Variants in WRNIP1 observed in about 807,000 individuals in gnomAD.
The protein encoded by WRNIP1 is ATPase WRNIP1.
A neutral mutation model predicts 56.1 loss-of-function variants in WRNIP1; 41 were observed. The ratio of observed to expected loss-of-function variants is 0.73; its 90% CI spans 0.57 to 0.95. The LOEUF (loss-of-function observed/expected upper bound fraction) is 0.95. Ranked by LOEUF, WRNIP1 falls within the 40% of genes least tolerant of loss-of-function variation. WRNIP1 has a pLI of 0.00. For synonymous variants in WRNIP1, 547 were observed against 398.1 expected, an observed-to-expected ratio of 1.37 and a Z score of -4.45; for missense variants, 1,170 against 939.4, an observed-to-expected ratio of 1.25 and a Z score of -3.21.
At chr6:2,770,003 T>C in intron 2 of WRNIP1, 117 bp from the exon 3 acceptor site, 1 of 1,437,880 alleles carries the variant, frequency 7.0e-7, no homozygotes, top group South Asian at 1.3e-5. Flanking sequence ...CTGCTGCTAT[T>C]CCTGAACTCG....
At chr6:2,768,268 G>T (rs1048778119) in intron 1 of WRNIP1, among the ~76,000 whole-genome samples, 2 of 152,152 alleles carry the variant, frequency 1.3e-5, no homozygotes, top group African/African-American at 4.8e-5. Flanking sequence ...AGTTCGGGCT[G>T]TGGTTCTGCG....
intron 3 of WRNIP1, chr6:2,773,431 T>C (rs1765358191): frequency 2.0e-6 from 2 of 985,096 alleles, no homozygotes; most frequent in Admixed American, 6.2e-5. Context: ...GGATGCGGAG[T>C]TGAGTTTTGA....
rs373681399 is a variant in WRNIP1, at chr6:2,783,571, A to G, written c.1642+10A>G. On this transcript the variant is annotated intron_variant, in intron 5 of 6. Coordinates refer to ENST00000380773, the MANE Select transcript of WRNIP1 (RefSeq NM_020135.3). ...GCCAGCGAGGACATAGGTGAGTGTG[A>G]TGGGAGGGTCCCGGAGTCCTATGTC... 3.6e-6 allele frequency: 5 copies of G among 1,376,658 alleles called. No homozygotes were observed. The African/African-American group carries it at 8.1e-5, about 22-fold the overall frequency. The allele number at this position is 1,376,658 out of a possible 1,614,324, so 85.3% of individuals were successfully genotyped here. A position where few individuals can be genotyped will look rare whatever the true frequency, so the allele number is the denominator to read the frequency against.
chr6:2,768,781 G>T lies in WRNIP1; in HGVS notation c.913G>T (p.Val305Leu). The T allele has an allele frequency of 6.2e-7, 1 of 1,613,956 alleles. No individual in the cohort carries two copies. Among genetic ancestry groups the T allele is most frequent in the Non-Finnish European group, 8.5e-7 (1 of 1,179,922 alleles). ...TGCAACAAATGCCAAGACAAATGAT[G>T]TGCGAGATGTCATAAAACAAGCTCA... ...LSATNAKTND[V>L]RDVIKQAQNE... The change falls in exon 2 of 7, where the codon GTG (valine) becomes TTG (leucine). Residue 305 changes from valine (V) to leucine (L), a missense_variant. Physicochemically the swap from Val to Leu is conservative, Grantham distance 32 (BLOSUM62 1). Transcript: ENST00000380773.
Position 2,786,000 on chromosome 6 carries a change from CTTCTTGCAGCTCCATAT to C in WRNIP1, c.*723_*739del, listed in dbSNP as rs869212078. 8.5e-5 allele frequency: 13 copies of C among 152,374 alleles called. No individual in the cohort carries two copies. Among genetic ancestry groups the C allele is most frequent in the African/African-American group, 2.9e-4 (12 of 41,588 alleles). 9.4% of individuals were successfully genotyped at this position (152,374 alleles called of 1,614,324 possible). A position where few individuals can be genotyped will look rare whatever the true frequency, so the allele number is the denominator to read the frequency against. ...CATTTTTTCCCACTTGTCCTGGTTTCTTCTTGCAGCTCCATATTTCTAAACAGTCGTTTTTCTTTTAC... is the reference window on the plus strand; with the variant it reads ...CATTTTTTCCCACTTGTCCTGGTTTCTTCTAAACAGTCGTTTTTCTTTTAC... On this transcript the variant is annotated 3_prime_UTR_variant, in exon 7 of 7. Transcript: ENST00000380773.
chr6:2,772,409 A>G (rs1765320283), intron 3 of WRNIP1, among the ~76,000 whole-genome samples: 1 of 152,226 alleles, frequency 6.6e-6, no homozygotes, highest in Admixed American at 6.5e-5. Flanking sequence ...CTGTGAGGAC[A>G]GGAGCTTGTC....
In WRNIP1 at chr6:2,766,499, C is replaced by T. The variant is rs373005688; in HGVS notation, c.822+55C>T. Reference sequence around the variant, plus strand: ...GTAGTTATCTCGGCGGTGGATGCAGCTGATGGTCGGAGAGCCGGGTGTGCT... The same window carrying T: ...GTAGTTATCTCGGCGGTGGATGCAGTTGATGGTCGGAGAGCCGGGTGTGCT... On this transcript the variant is annotated intron_variant, in intron 1 of 6. Coordinates refer to ENST00000380773, the MANE Select transcript of WRNIP1 (RefSeq NM_020135.3). 1.9e-4 allele frequency: 278 copies of T among 1,448,528 alleles called. 1 individual carries two copies. Among genetic ancestry groups the T allele is most frequent in the African/African-American group, 1.8e-3 (128 of 70,768 alleles). The allele number at this position is 1,448,528 out of a possible 1,614,324, so 89.7% of individuals were successfully genotyped here.
chr6:2,774,232 C>T (rs1322252071), intron 3 of WRNIP1: 1 of 985,246 alleles, frequency 1.0e-6, no homozygotes, highest in Non-Finnish European at 1.2e-6. Context: ...GCCATAAAAG[C>T]ACCAGCAGCC....
rs1018873979 is a variant in WRNIP1 at position 2,773,968 on chromosome 6, G to A, written c.1256+3607G>A. The A allele has an allele frequency of 1.5e-5, 15 of 985,118 alleles. No individual in the cohort carries two copies. In the African/African-American group the frequency reaches 2.6e-4, roughly 17 times the overall value. The allele number at this position is 985,118 out of a possible 1,614,324, so 61.0% of individuals were successfully genotyped here. A position where few individuals can be genotyped will look rare whatever the true frequency, so the allele number is the denominator to read the frequency against. On this transcript the variant is annotated intron_variant, in intron 3 of 6. Coordinates refer to ENST00000380773, the MANE Select transcript of WRNIP1 (RefSeq NM_020135.3). ...GGCTTTTCTCTAATCATCTGGAGAG[G>A]AGAGCCCCTGACAAGCTGGCCCCCA...
Position 2,766,438 on chromosome 6 carries a change from C to T in WRNIP1, c.816C>T (p.Cys272=), listed in dbSNP as rs1285146708. ...TTATCCTGTGGGGGCCGCCGGGCTGCGGCAAGGTGAGTGCGGCCTTGGCCG... is the reference window on the plus strand; with the variant it reads ...TTATCCTGTGGGGGCCGCCGGGCTGTGGCAAGGTGAGTGCGGCCTTGGCCG... The part of the protein sequence containing the change: ...PSLILWGPPG[C]GKTTLAHIIA... The change falls in exon 1 of 7, where the codon TGC becomes TGT. Residue 272 remains cysteine, a synonymous_variant. Coordinates refer to ENST00000380773, the MANE Select transcript of WRNIP1 (RefSeq NM_020135.3). 65 of 1,555,950 alleles carry T rather than the reference C, an allele frequency of 4.2e-5. No individual in the cohort carries two copies. Among genetic ancestry groups the T allele is most frequent in the Non-Finnish European group, 5.5e-5 (63 of 1,144,698 alleles).
At position 2,766,184 on chromosome 6, in the gene WRNIP1, C is replaced by T. The variant is rs1374687504; in HGVS notation, c.562C>T (p.His188Tyr). The change falls in exon 1 of 7, where the codon CAC (histidine) becomes TAC (tyrosine). Residue 188 changes from histidine (H) to tyrosine (Y), a missense_variant. Transcript: ENST00000380773. ...CGCGGACGGCGAGGACGACCCGGGGCACTGGGACGCGGACGCTGCCGAAGC... is the reference window on the plus strand; with the variant it reads ...CGCGGACGGCGAGGACGACCCGGGGTACTGGGACGCGGACGCTGCCGAAGC... ...ADADGEDDPGHWDADAAEAAT... is the reference protein window; with the variant it reads ...ADADGEDDPGYWDADAAEAAT... 1.3e-5 allele frequency: 18 copies of T among 1,382,700 alleles called. No individual in the cohort carries two copies. The East Asian group carries it at 5.1e-4, about 39-fold the overall frequency. 85.7% of individuals were successfully genotyped at this position (1,382,700 alleles called of 1,614,324 possible).
In WRNIP1 at chr6:2,766,376, C is replaced by T. The variant is rs571536945; in HGVS notation, c.754C>T (p.Leu252=). Residue 252 remains leucine (L), a synonymous_variant, in exon 1 of 7, where the codon CTG becomes TTG. Transcript: ENST00000380773. ...QSKAVGQDTL[L]RSLLETNEIP... ...CAAGGCCGTGGGCCAGGATACCCTGCTGCGCTCGCTCCTGGAGACCAACGA... is the reference window on the plus strand; with the variant it reads ...CAAGGCCGTGGGCCAGGATACCCTGTTGCGCTCGCTCCTGGAGACCAACGA... The T allele has an allele frequency of 1.9e-5, 31 of 1,609,044 alleles. No homozygotes were observed. In the East Asian group the frequency reaches 6.5e-4, roughly 34 times the overall value.
At position 2,783,449 on chromosome 6, in the gene WRNIP1, G is replaced by C. The variant is rs1324886621; in HGVS notation, c.1530G>C (p.Met510Ile). Residue 510 changes from methionine to isoleucine, a missense_variant, in exon 5 of 7, where the codon ATG becomes ATC. Coordinates refer to ENST00000380773, the MANE Select transcript of WRNIP1 (RefSeq NM_020135.3). Reference protein sequence around the residue: ...YNCISALHKSMRGSDQNASLY... With the variant: ...YNCISALHKSIRGSDQNASLY... ...GCATCTCCGCCCTGCACAAGTCCAT[G>C]CGGGGCTCAGACCAGAACGCCTCCC... 3 of 1,613,422 alleles carry C rather than the reference G, an allele frequency of 1.9e-6. No homozygotes were observed. In the African/African-American group the frequency reaches 4.0e-5, roughly 22 times the overall value.
At position 2,768,837 on chromosome 6, in the gene WRNIP1, C is replaced by G. The variant is rs1350012828; in HGVS notation, c.969C>G (p.Thr323=). The G allele has an allele frequency of 1.2e-6, 2 of 1,613,202 alleles. No individual in the cohort carries two copies. Among genetic ancestry groups the G allele is most frequent in the Non-Finnish European group, 1.7e-6 (2 of 1,179,654 alleles). Residue 323 remains threonine, a synonymous_variant, in exon 2 of 7, where the codon ACC becomes ACG. Transcript: ENST00000380773. ...QNEKSFFKRK[T]ILFIDEIHRF... ...AAAAGAGCTTTTTCAAAAGGAAAAC[C>G]ATCCTTTTTATTGATGAGATTCATC...
At chr6:2,783,673 G>GCGCGC in intron 5 of WRNIP1, 112 bp downstream of exon 5, 1 of 404,230 alleles carries the variant, frequency 2.5e-6, no homozygotes, top group Non-Finnish European at 4.4e-6. Flanking sequence ...GGTGGGCGGG[G>GCGCGC]GTAGCAGGAA....
chr6:2,767,028 C>T (rs1765044038), intron 1 of WRNIP1, among the ~76,000 whole-genome samples: 1 of 152,150 alleles, frequency 6.6e-6, no homozygotes. Context: ...ACAAAACTAA[C>T]ATAAAAACTT....
chr6:2,765,406 C>G lies in WRNIP1; in HGVS notation c.-217C>G, dbSNP rs932872640. 4 of 432,680 alleles carry G rather than the reference C, an allele frequency of 9.2e-6. No individual in the cohort carries two copies. Among genetic ancestry groups the G allele is most frequent in the South Asian group, 1.0e-4 (1 of 9,990 alleles). The allele number at this position is 432,680 out of a possible 1,614,324, so 26.8% of individuals were successfully genotyped here. A position where few individuals can be genotyped will look rare whatever the true frequency, so the allele number is the denominator to read the frequency against. On this transcript the variant is annotated 5_prime_UTR_variant, in exon 1 of 7. Coordinates refer to ENST00000380773, the MANE Select transcript of WRNIP1 (RefSeq NM_020135.3). ...CGGCCACGAACTACACTTCCCGACA[C>G]GCCGCGTGAGGCGCTGCCAGCGGCC... is the stretch of plus-strand genomic sequence containing the variant.
rs1765143829 is a variant in WRNIP1, at chr6:2,768,724, A to C, written c.856A>C (p.Lys286Gln). ...TLAHIIASNS[K>Q]KHSIRFVTLS... ...GGCTCACATCATAGCCAGCAACAGC[A>C]AGAAACATAGCATAAGGTTTGTGAC... is the stretch of plus-strand genomic sequence containing the variant. The change falls in exon 2 of 7, where the codon AAG becomes CAG. Residue 286 changes from lysine (K) to glutamine (Q), a missense_variant. By Grantham distance (53) the Lys-to-Gln change is moderately conservative. Transcript: ENST00000380773. 6.2e-7 allele frequency: 1 copy of C among 1,612,710 alleles called. No homozygotes were observed. The highest frequency in any genetic ancestry group is 8.5e-7 in the Non-Finnish European group (1 of 1,179,286).
chr6:2,767,745 G>T (rs1431028913), intron 1 of WRNIP1, among the ~76,000 whole-genome samples: 1 of 152,218 alleles, frequency 6.6e-6, no homozygotes, highest in African/African-American at 2.4e-5. Context: ...TTAGGGAGAC[G>T]AGTGGGTGAG....
Sources: allele counts gnomAD v4.1 joint callset (sites outside exome capture counted in the v4.1 genomes callset), GRCh38; gene constraint gnomAD v4.1.1; transcripts MANE v1.5; gene names NCBI Gene and HGNC (gene_info 2026-07-23, HGNC 2026-07-21).